The following GRIP1 variants were observed in gnomAD, a reference collection of about 807,000 sequenced individuals.
The protein encoded by GRIP1 is glutamate receptor-interacting protein 1.
GRIP1 carries 45 observed loss-of-function variants against 129.9 expected under a neutral mutation model. The observed-to-expected ratio is 0.35, with a 90% CI of 0.27 to 0.44. The LOEUF (loss-of-function observed/expected upper bound fraction) is 0.44. GRIP1 is among the 20% of genes least tolerant of loss of function. GRIP1 has a pLI of 1.00. For missense variants in GRIP1, 1,196 were observed against 1,396.8 expected, an observed-to-expected ratio of 0.86 and a Z score of 2.29; for synonymous variants, 530 against 520.8, an observed-to-expected ratio of 1.02 and a Z score of -0.24.
At chr12:66,799,931 C>T (rs1420485580) in intron 1 of GRIP1, among the ~76,000 whole-genome samples, 6 of 152,108 alleles carry the variant, frequency 3.9e-5, no homozygotes, top group Admixed American at 6.6e-5. Context: ...TCGTGTTTTT[C>T]AATGACATGA....
At chr12:66,589,220 C>CTG (rs2063760855) in intron 2 of GRIP1, among the ~76,000 whole-genome samples, 1 of 146,584 alleles carries the variant, frequency 6.8e-6, no homozygotes, top group African/African-American at 2.5e-5. Context: ...CTCTCTCTCT[C>CTG]TCTCTCTGTC....
At chr12:67,037,564 G>A (rs2135799299) in intron 1 of GRIP1, 1 of 152,078 alleles carries the variant, frequency 6.6e-6, no homozygotes, top group South Asian at 2.1e-4. Context: ...TTGACGAAGA[G>A]GAGTTATGAC....
intron 13 of GRIP1, among the ~76,000 whole-genome samples, chr12:66,438,534 T>G (rs1349086403): frequency 6.6e-6 from 1 of 150,830 alleles, no homozygotes; most frequent in Non-Finnish European, 1.5e-5. Context: ...TTTGCTCTGT[T>G]GCCCAGGCCA....
At chr12:66,773,691 G>T (rs2037891676) in intron 1 of GRIP1, among the ~76,000 whole-genome samples, 1 of 152,040 alleles carries the variant, frequency 6.6e-6, no homozygotes, top group Admixed American at 6.6e-5. Context: ...GTGTATCCCA[G>T]AACTTAAAGT....
rs2040013834 is a variant in GRIP1, at chr12:66,856,819, T to C, written c.58+212231A>G. ...CCATTGTGGAAGTCAGTGTGGTGAT[T>C]CCTCAGGGATCTAGAACTAGAAATA... On this transcript the variant is annotated intron_variant, in intron 1 of 1. Coordinates refer to the GRIP1 transcript ENST00000643019. Among the ~76,000 whole-genome samples, 6 of 152,098 alleles carry C rather than the reference T, an allele frequency of 3.9e-5. No homozygotes were observed. In the South Asian group the frequency reaches 1.0e-3, roughly 26 times the overall value.
At chr12:66,956,258 A>C (rs1397320847) in intron 1 of GRIP1, among the ~76,000 whole-genome samples, 1 of 152,178 alleles carries the variant, frequency 6.6e-6, no homozygotes, top group Non-Finnish European at 1.5e-5. Context: ...CTTTTGAAGC[A>C]AATTGATCAG....
At chr12:66,528,134 G>GTTTTTTTTTTTTTTTTTTTTTT in intron 5 of GRIP1, among the ~76,000 whole-genome samples, 3 of 99,242 alleles carry the variant, frequency 3.0e-5, no homozygotes, top group Non-Finnish European at 5.6e-5. Context: ...GAATTAGTAG[G>GTTTTTTTTTTTTTTTTTTTTTT]TTTTTTTTTT....
intron 2 of GRIP1, among the ~76,000 whole-genome samples, chr12:66,546,023 T>C (rs144420413): frequency 3.3e-5 from 5 of 152,326 alleles, no homozygotes; most frequent in African/African-American, 1.2e-4. Flanking sequence ...TCTTTCCAAA[T>C]TGATATATAG....
At chr12:66,667,265 T>C (rs2033847326) in intron 1 of GRIP1, among the ~76,000 whole-genome samples, 1 of 152,216 alleles carries the variant, frequency 6.6e-6, no homozygotes, top group South Asian at 2.1e-4. Flanking sequence ...ATTTTAGCAG[T>C]CATAGTTTTA....
At chr12:66,638,155 T>A (rs917084745) in intron 1 of GRIP1, among the ~76,000 whole-genome samples, 1 of 152,218 alleles carries the variant, frequency 6.6e-6, no homozygotes, top group Non-Finnish European at 1.5e-5. Flanking sequence ...ATTTTTGTTA[T>A]GGCTTGGGGT....
At chr12:66,571,753 T>C (rs980310683) in intron 2 of GRIP1, among the ~76,000 whole-genome samples, 10 of 152,198 alleles carry the variant, frequency 6.6e-5, no homozygotes, top group African/African-American at 2.4e-4. Context: ...TACTGGGAAA[T>C]TGCCTGAATT....
chr12:66,879,896 C>T (rs745627313), intron 1 of GRIP1, among the ~76,000 whole-genome samples: 2 of 151,836 alleles, frequency 1.3e-5, no homozygotes, highest in Non-Finnish European at 2.9e-5. Context: ...AGCCTATGGC[C>T]GGCATGTCTA....
intron 1 of GRIP1, among the ~76,000 whole-genome samples, chr12:66,906,343 A>G (rs2040932048): frequency 6.6e-6 from 1 of 152,138 alleles, no homozygotes; most frequent in Non-Finnish European, 1.5e-5. Context: ...CTGAGGTGGG[A>G]GAATCACCTG....
chr12:66,721,709 T>G (rs751304533), intron 1 of GRIP1, among the ~76,000 whole-genome samples: 2 of 152,182 alleles, frequency 1.3e-5, no homozygotes, highest in Non-Finnish European at 2.9e-5. Context: ...AAGTCCCAAA[T>G]GTCTTCTTCT....
intron 1 of GRIP1, among the ~76,000 whole-genome samples, chr12:66,624,794 T>C (rs1278698587): frequency 1.3e-5 from 2 of 152,192 alleles, no homozygotes; most frequent in South Asian, 2.1e-4. Context: ...TTTTCATTCA[T>C]AGTTAATTAT....
chr12:66,970,767 C>G (rs2042064448), intron 1 of GRIP1, among the ~76,000 whole-genome samples: 1 of 152,030 alleles, frequency 6.6e-6, no homozygotes, highest in Admixed American at 6.6e-5. Context: ...TGTACTGTGA[C>G]CTTTACAAAT....
chr12:66,353,433 T>C lies in GRIP1; in HGVS notation c.3143A>G (p.Tyr1048Cys), dbSNP rs1159376938. 1.9e-6 allele frequency: 3 copies of C among 1,612,348 alleles called. No homozygotes were observed. Among genetic ancestry groups the C allele is most frequent in the Non-Finnish European group, 2.5e-6 (3 of 1,178,502 alleles). Reference sequence around the variant, plus strand: ...AGGTCTTACCTGTAAGAGCCTGTCATAGGGCTTTAAGCCACCAAGATCTCC... The same window carrying C: ...AGGTCTTACCTGTAAGAGCCTGTCACAGGGCTTTAAGCCACCAAGATCTCC... The part of the protein sequence containing the change: ...GPGDLGGLKP[Y>C]DRLLQVNHVR... The change falls in exon 24 of 25, where the codon TAT (tyrosine) becomes TGT (cysteine). Residue 1048 changes from tyrosine (Y) to cysteine (C), a missense_variant. Physicochemically the swap from Tyr to Cys is radical, Grantham distance 194. Transcript: ENST00000359742.
intron 2 of GRIP1, among the ~76,000 whole-genome samples, chr12:66,553,350 CCCTT>C (rs890732858): frequency 1.4e-4 from 22 of 152,094 alleles, no homozygotes; most frequent in African/African-American, 9.7e-5. Context: ...CCCTCTCCCT[CCCTT>C]GTTTCCCTCC....
intron 1 of GRIP1, among the ~76,000 whole-genome samples, chr12:66,644,360 T>C (rs10878484): frequency 0.25 from 37,708 of 151,910 alleles, 4,776 homozygotes; most frequent in African/African-American, 0.27. Flanking sequence ...GATGGTGGAG[T>C]TAATAACTTG....
Sources: gnomAD v4.1 joint callset for allele counts (sites outside exome capture counted in the v4.1 genomes callset) on GRCh38, gnomAD v4.1.1 for gene constraint, MANE v1.5 for transcripts, NCBI Gene and HGNC (gene_info 2026-07-23, HGNC 2026-07-21) for gene names.